The following FRMD5 variants were observed in gnomAD, a reference collection of about 807,000 sequenced individuals.
FRMD5 encodes the protein FERM domain containing 5.
Under a neutral mutation model 69.0 loss-of-function variants are expected in FRMD5, and 20 were observed. The ratio of observed to expected loss-of-function variants is 0.29; its 90% CI spans 0.20 to 0.42. FRMD5 has a LOEUF of 0.42. Ranked by LOEUF, FRMD5 falls within the 10% of genes least tolerant of loss-of-function variation. The pLI is 1.00. For missense variants in FRMD5, 595 were observed against 708.6 expected (o/e 0.84, Z 1.82); for synonymous variants, 271 against 260.1 (o/e 1.04, Z -0.40).
intron 1 of FRMD5, among the ~76,000 whole-genome samples, chr15:43,975,706 C>T (rs2090451766): frequency 6.6e-6 from 1 of 152,196 alleles, no homozygotes; most frequent in Admixed American, 6.5e-5. Flanking sequence ...CCAAATTGGT[C>T]TATAGAGTCA....
At chr15:44,128,808 G>T (rs917821667) in intron 1 of FRMD5, among the ~76,000 whole-genome samples, 6 of 151,254 alleles carry the variant, frequency 4.0e-5, no homozygotes, top group Non-Finnish European at 8.8e-5. Flanking sequence ...TTTGAACAAG[G>T]ATAGAAATAG....
At chr15:43,905,279 G>A (rs1005860339) in intron 6 of FRMD5, among the ~76,000 whole-genome samples, 5 of 151,922 alleles carry the variant, frequency 3.3e-5, no homozygotes, top group Non-Finnish European at 5.9e-5. Flanking sequence ...TGGGATTACA[G>A]GCACCTGCCA....
At chr15:44,041,218 CAA>C (rs1892177104) in intron 1 of FRMD5, among the ~76,000 whole-genome samples, 1 of 152,016 alleles carries the variant, frequency 6.6e-6, no homozygotes, top group African/African-American at 2.4e-5. Flanking sequence ...TACAGACCTA[CAA>C]AGAGACTTAG....
intron 1 of FRMD5, among the ~76,000 whole-genome samples, chr15:44,036,082 C>T (rs1446700584): frequency 6.6e-6 from 1 of 152,136 alleles, no homozygotes. Flanking sequence ...ATTAAAGGAA[C>T]AAATCCTAAC....
At chr15:44,025,335 G>A (rs1401193745) in intron 1 of FRMD5, among the ~76,000 whole-genome samples, 1 of 152,098 alleles carries the variant, frequency 6.6e-6, no homozygotes, top group Non-Finnish European at 1.5e-5. Context: ...CTTCATAGAG[G>A]AAATGCCATT....
chr15:44,002,743 C>T (rs1487162098), intron 1 of FRMD5, among the ~76,000 whole-genome samples: 1 of 152,136 alleles, frequency 6.6e-6, no homozygotes, highest in Non-Finnish European at 1.5e-5. Flanking sequence ...CGATCTTTAA[C>T]TACCAGGCCC....
chr15:44,100,505 A>G (rs2076623630), intron 1 of FRMD5, among the ~76,000 whole-genome samples: 1 of 152,200 alleles, frequency 6.6e-6, no homozygotes, highest in Admixed American at 6.5e-5. Flanking sequence ...CACATACCCT[A>G]TGAATACAGT....
chr15:43,902,682 C>G (rs1318536750), intron 6 of FRMD5, among the ~76,000 whole-genome samples: 1 of 126,138 alleles, frequency 7.9e-6, no homozygotes, highest in Non-Finnish European at 1.6e-5. Flanking sequence ...AGAATGAGAC[C>G]CTGTCTCAAA....
intron 1 of FRMD5, among the ~76,000 whole-genome samples, chr15:44,039,995 C>T (rs1384626957): frequency 6.6e-6 from 1 of 151,744 alleles, no homozygotes; most frequent in Non-Finnish European, 1.5e-5. Context: ...CTTGATGGAG[C>T]TGAAAAACAC....
chr15:44,110,955 T>C (rs2076787867), intron 1 of FRMD5, among the ~76,000 whole-genome samples: 1 of 152,222 alleles, frequency 6.6e-6, no homozygotes, highest in South Asian at 2.1e-4. Flanking sequence ...AAGACTCGGA[T>C]ATCTCTCCCC....
intron 1 of FRMD5, chr15:43,989,728 C>T (rs1566883004): frequency 1.0e-6 from 1 of 1,003,864 alleles, no homozygotes; most frequent in Non-Finnish European, 1.6e-6. Context: ...CGTAGTCCAT[C>T]ACGATGTCAG....
intron 1 of FRMD5, among the ~76,000 whole-genome samples, chr15:44,038,726 T>C (rs1425322301): frequency 5.9e-5 from 9 of 151,844 alleles, no homozygotes; most frequent in Non-Finnish European, 1.0e-4. Context: ...GGGTGGGGCA[T>C]TGCCTCACCC....
At chr15:44,068,264 C>T (rs1357718999) in intron 1 of FRMD5, among the ~76,000 whole-genome samples, 3 of 152,112 alleles carry the variant, frequency 2.0e-5, no homozygotes, top group African/African-American at 7.2e-5. Flanking sequence ...GAAATGAAAA[C>T]ATATAGCCAC....
intron 1 of FRMD5, among the ~76,000 whole-genome samples, chr15:44,148,229 A>G (rs142727916): frequency 6.6e-6 from 1 of 152,220 alleles, no homozygotes; most frequent in African/African-American, 2.4e-5. Context: ...AGATATAGGC[A>G]TACCTTGTTT....
intron 10 of FRMD5, among the ~76,000 whole-genome samples, chr15:43,886,329 A>G (rs2088662846): frequency 1.3e-5 from 2 of 152,200 alleles, no homozygotes; most frequent in South Asian, 4.1e-4. Context: ...CACAGTAAAG[A>G]CAGAAATCCT....
intron 1 of FRMD5, among the ~76,000 whole-genome samples, chr15:43,963,993 A>T (rs977793099): frequency 2.0e-5 from 3 of 152,154 alleles, no homozygotes; most frequent in Admixed American, 6.5e-5. Flanking sequence ...CCAACATGGC[A>T]CATGTATACA....
At chr15:44,169,938 T>C (rs563019340) in intron 1 of FRMD5, among the ~76,000 whole-genome samples, 2 of 152,310 alleles carry the variant, frequency 1.3e-5, no homozygotes, top group Admixed American at 6.5e-5. Context: ...CTTTCACTTA[T>C]TGCCTGTGTA....
intron 1 of FRMD5, among the ~76,000 whole-genome samples, chr15:44,164,740 C>T (rs1366297827): frequency 6.6e-6 from 1 of 152,212 alleles, no homozygotes; most frequent in Non-Finnish European, 1.5e-5. Context: ...CTCAGACACT[C>T]CTACCTTGGT....
intron 12 of FRMD5, 80 bp downstream of exon 12, chr15:43,884,647 C>A: frequency 4.6e-6 from 6 of 1,305,516 alleles, no homozygotes; most frequent in Non-Finnish European, 6.6e-6. Context: ...GAGCCAGGGG[C>A]TTCACAGTAC....
Sources: gnomAD v4.1 joint callset for allele counts (sites outside exome capture counted in the v4.1 genomes callset) on GRCh38, gnomAD v4.1.1 for gene constraint, MANE v1.5 for transcripts, NCBI Gene and HGNC (gene_info 2026-07-23, HGNC 2026-07-21) for gene names.